The following TMEM117 variants were observed in gnomAD, a reference collection of about 807,000 sequenced individuals.
TMEM117 encodes the protein transmembrane protein 117.
TMEM117 carries 27 observed loss-of-function variants against 52.4 expected under a neutral mutation model. The observed-to-expected ratio is 0.51, with a 90% CI of 0.38 to 0.71. TMEM117 has a LOEUF of 0.71. Among genes scored for constraint, TMEM117 ranks in the 30% least tolerant of loss-of-function variants. The probability of loss-of-function intolerance (pLI) is 0.00; values close to 1 mark genes in which losing one functional copy is unlikely to be tolerated. For synonymous variants in TMEM117, 215 were observed against 206.3 expected, an observed-to-expected ratio of 1.04 and a Z score of -0.36; for missense variants, 556 against 630.5, an observed-to-expected ratio of 0.88 and a Z score of 1.26.
chr12:43,905,525 T>A (rs1239442343), intron 2 of TMEM117, among the ~76,000 whole-genome samples: 1 of 152,290 alleles, frequency 6.6e-6, no homozygotes, highest in African/African-American at 2.4e-5. Flanking sequence ...AAATATTTAT[T>A]TATTTATTTG....
chr12:44,007,380 G>A (rs1226396112), intron 3 of TMEM117, among the ~76,000 whole-genome samples: 2 of 151,852 alleles, frequency 1.3e-5, no homozygotes, highest in African/African-American at 4.8e-5. Flanking sequence ...TTGCAATATA[G>A]GTCTACTGGC....
rs569075030 is a variant in TMEM117 at position 43,987,137 on chromosome 12, A to G, written c.410+42795A>G. Among the ~76,000 whole-genome samples the G allele has an allele frequency of 3.6e-3, 545 of 152,268 alleles. 1 individual carries two copies. Among genetic ancestry groups the G allele is most frequent in the Middle Eastern group, 6.8e-3 (2 of 294 alleles). ...CCAATCCAATATGACTTGTGTCTTT[A>G]TAAGAAGAGTTAAGGCACCAGACAC... is the stretch of plus-strand genomic sequence containing the variant. On this transcript the variant is annotated intron_variant, in intron 3 of 7. Transcript: ENST00000266534.
chr12:44,250,223 C>G (rs527857192), intron 5 of TMEM117, among the ~76,000 whole-genome samples: 5 of 151,258 alleles, frequency 3.3e-5, no homozygotes, highest in South Asian at 2.1e-4. Context: ...ATGTGGCCAA[C>G]AAACATATGA....
chr12:44,258,486 A>G (rs1273180984), intron 5 of TMEM117, among the ~76,000 whole-genome samples: 3 of 152,150 alleles, frequency 2.0e-5, no homozygotes, highest in African/African-American at 2.4e-5. Context: ...TATTTTTAAC[A>G]TTAAAGCATC....
rs544836036 is a variant in TMEM117 at position 44,226,810 on chromosome 12, G to A, written c.608+15423G>A. 2.6e-5 allele frequency among the ~76,000 whole-genome samples: 4 copies of A among 152,170 alleles called. No individual in the cohort carries two copies. In the South Asian group the frequency reaches 8.3e-4, roughly 32 times the overall value. On this transcript the variant is annotated intron_variant, in intron 5 of 7. Coordinates refer to ENST00000266534, the MANE Select transcript of TMEM117 (RefSeq NM_032256.3). ...AGAGGCCTCAGAAGAAGCCAACCCT[G>A]CCAACACCTTGATTTGAGGCTTCTA...
At chr12:43,940,070 T>C (rs866656670) in intron 2 of TMEM117, among the ~76,000 whole-genome samples, 1 of 152,190 alleles carries the variant, frequency 6.6e-6, no homozygotes, top group South Asian at 2.1e-4. Context: ...TGGGAATTAT[T>C]ACAATTCAAG....
intron 6 of TMEM117, among the ~76,000 whole-genome samples, chr12:44,325,431 C>A (rs1951182513): frequency 6.6e-6 from 1 of 151,908 alleles, no homozygotes; most frequent in Non-Finnish European, 1.5e-5. Context: ...TTTTCTATTT[C>A]AAAATTGAGG....
At chr12:44,254,031 T>C (rs936170871) in intron 5 of TMEM117, among the ~76,000 whole-genome samples, 2 of 128,352 alleles carry the variant, frequency 1.6e-5, no homozygotes, top group African/African-American at 6.3e-5. Context: ...AAAAAAAACA[T>C]AGAAGCAGGC....
the TMEM117 span, among the ~76,000 whole-genome samples, chr12:43,813,245 T>TTTTTTTTTTTTTTTTTTTTTTTTTTC: frequency 7.3e-6 from 1 of 136,418 alleles, no homozygotes; most frequent in Non-Finnish European, 1.6e-5. Flanking sequence ...TTTTTTTTTT[T>TTTTTTTTTTTTTTTTTTTTTTTTTTC]TTTTTTTTTT....
the TMEM117 span, chr12:43,806,370 C>A: frequency 8.1e-7 from 1 of 1,230,300 alleles, no homozygotes; most frequent in South Asian, 3.1e-5. Context: ...CGCGGCCGCC[C>A]CGCCCCGTGA....
chr12:43,869,310 CTTAT>C (rs748981614), intron 2 of TMEM117, among the ~76,000 whole-genome samples: 2 of 152,130 alleles, frequency 1.3e-5, no homozygotes, highest in Non-Finnish European at 2.9e-5. Flanking sequence ...CAAGGCTTCA[CTTAT>C]TTATTTACTT....
At chr12:44,221,216 A>C (rs937668205) in intron 5 of TMEM117, among the ~76,000 whole-genome samples, 3 of 152,184 alleles carry the variant, frequency 2.0e-5, no homozygotes, top group Non-Finnish European at 4.4e-5. Flanking sequence ...TAAATATTTT[A>C]TATCTATTTG....
the TMEM117 span, among the ~76,000 whole-genome samples, chr12:43,815,198 G>A: frequency 1.3e-5 from 2 of 152,182 alleles, no homozygotes; most frequent in South Asian, 4.1e-4. Flanking sequence ...TATATTCAGT[G>A]GCTAGCTCCT....
At chr12:43,850,679 A>ATCT (rs760698365) in intron 2 of TMEM117, among the ~76,000 whole-genome samples, 245 of 152,314 alleles carry the variant, frequency 1.6e-3, no homozygotes, top group Middle Eastern at 0.01. Flanking sequence ...TACTTGTACC[A>ATCT]AAGAGTCACA....
intron 4 of TMEM117, among the ~76,000 whole-genome samples, chr12:44,162,075 A>C: frequency 6.6e-6 from 1 of 152,194 alleles, no homozygotes; most frequent in East Asian, 1.9e-4. Flanking sequence ...AGTTTAAAGA[A>C]TGAGATGCCG....
intron 3 of TMEM117, among the ~76,000 whole-genome samples, chr12:44,102,456 C>T (rs1441488510): frequency 6.6e-6 from 1 of 151,748 alleles, no homozygotes; most frequent in Non-Finnish European, 1.5e-5. Context: ...CATTCTCTGT[C>T]TCTCTCTTCC....
chr12:43,982,474 GT>G (rs1390350893), intron 3 of TMEM117, among the ~76,000 whole-genome samples: 7 of 151,920 alleles, frequency 4.6e-5, no homozygotes, highest in Non-Finnish European at 1.5e-5. Flanking sequence ...CATACTCTTT[GT>G]TTTCTAACCT....
At chr12:44,149,872 T>TA (rs2138217873) in intron 4 of TMEM117, among the ~76,000 whole-genome samples, 1 of 152,328 alleles carries the variant, frequency 6.6e-6, no homozygotes, top group East Asian at 1.9e-4. Context: ...AATAACAGTT[T>TA]AATTGAACTT....
chr12:44,224,468 T>C (rs1949832901), intron 5 of TMEM117, among the ~76,000 whole-genome samples: 1 of 136,080 alleles, frequency 7.3e-6, no homozygotes, highest in African/African-American at 3.6e-5. Flanking sequence ...GGATGAGTAA[T>C]GATTTTTTTT....
Sources: allele counts gnomAD v4.1 joint callset (sites outside exome capture counted in the v4.1 genomes callset), GRCh38; gene constraint gnomAD v4.1.1; transcripts MANE v1.5; gene names NCBI Gene and HGNC (gene_info 2026-07-23, HGNC 2026-07-21).